The following LRP1B variants were observed in gnomAD, a reference collection of about 807,000 sequenced individuals.
The protein encoded by LRP1B is low-density lipoprotein receptor-related protein 1B.
Under a neutral mutation model 556.6 loss-of-function variants are expected in LRP1B, and 217 were observed. That is an observed-to-expected ratio of 0.39 (90% CI 0.35 to 0.44). The LOEUF is 0.44. Among genes scored for constraint, LRP1B ranks in the 20% least tolerant of loss-of-function variants. LRP1B has a pLI of 1.00. For synonymous variants in LRP1B, 2,047 were observed against 1,865.8 expected (o/e 1.10, Z -2.50); for missense variants, 5,053 against 5,620.8 (o/e 0.90, Z 3.23).
At chr2:140,534,230 G>T (rs938735184) in intron 46 of LRP1B, 90 bp from the exon 47 acceptor site, 12 of 1,190,444 alleles carry the variant, frequency 1.0e-5, no homozygotes, top group Non-Finnish European at 8.3e-6. Flanking sequence ...CATTCATAAT[G>T]ACTGGATTAT....
intron 2 of LRP1B, among the ~76,000 whole-genome samples, chr2:141,795,856 CAATATATATATATATATATATATA>C (rs1266389632): frequency 5.3e-5 from 1 of 18,988 alleles, no homozygotes; most frequent in East Asian, 1.2e-3. Context: ...AAACCAGGAG[CAATATATATATATATATATATATA>C]TATATATATA....
intron 37 of LRP1B, among the ~76,000 whole-genome samples, chr2:140,712,403 C>A (rs753465462): frequency 5.9e-5 from 9 of 151,978 alleles, no homozygotes; most frequent in Non-Finnish European, 1.2e-4. Context: ...TCTGGGATAC[C>A]TAATGTAAGA....
intron 41 of LRP1B, among the ~76,000 whole-genome samples, chr2:140,681,928 T>C (rs967810036): frequency 2.6e-5 from 4 of 152,174 alleles, no homozygotes; most frequent in African/African-American, 9.7e-5. Flanking sequence ...GTGCTATGCC[T>C]AAGAAATTTC....
At chr2:140,749,807 CA>C (rs1467383147) in intron 35 of LRP1B, among the ~76,000 whole-genome samples, 1 of 152,048 alleles carries the variant, frequency 6.6e-6, no homozygotes, top group Non-Finnish European at 1.5e-5. Flanking sequence ...TAACATAACC[CA>C]TCATTTGTTA....
At chr2:141,652,453 T>G (rs1164900453) in intron 2 of LRP1B, among the ~76,000 whole-genome samples, 1 of 152,216 alleles carries the variant, frequency 6.6e-6, no homozygotes, top group Non-Finnish European at 1.5e-5. Context: ...AGACATAGTA[T>G]GAGTAAACAT....
At chr2:141,208,387 T>C (rs1158469572) in intron 6 of LRP1B, 1 of 152,266 alleles carries the variant, frequency 6.6e-6, no homozygotes, top group African/African-American at 2.4e-5. Context: ...CCAACGACTA[T>C]CGCCATCTTT....
chr2:141,217,793 C>T (rs1270253329), intron 6 of LRP1B, among the ~76,000 whole-genome samples: 2 of 152,038 alleles, frequency 1.3e-5, no homozygotes, highest in Admixed American at 6.6e-5. Flanking sequence ...AGTAAACAGA[C>T]AACTTACAGA....
chr2:141,919,587 T>A (rs1700124725), intron 1 of LRP1B, among the ~76,000 whole-genome samples: 1 of 152,028 alleles, frequency 6.6e-6, no homozygotes, highest in Non-Finnish European at 1.5e-5. Flanking sequence ...TTAACATCAG[T>A]CATAGACAGA....
intron 84 of LRP1B, among the ~76,000 whole-genome samples, chr2:140,296,267 CAAG>C (rs1476316051): frequency 6.6e-6 from 1 of 151,976 alleles, no homozygotes; most frequent in Non-Finnish European, 1.5e-5. Context: ...GTATATGAAA[CAAG>C]AATTTTGTAT....
chr2:140,994,383 GT>G (rs1257462096), intron 15 of LRP1B, among the ~76,000 whole-genome samples: 11 of 101,358 alleles, frequency 1.1e-4, no homozygotes, highest in Middle Eastern at 4.8e-3. Context: ...AGGTTGGTAG[GT>G]AAGGATGTGT....
chr2:140,690,386 C>CT (rs5834764), intron 41 of LRP1B, among the ~76,000 whole-genome samples: 49,673 of 150,042 alleles, frequency 0.33, 9,580 homozygotes, highest in Non-Finnish European at 0.44. Context: ...CAGGTCTTTA[C>CT]TTTTTTTTTT....
At chr2:141,891,633 AT>A (rs1238970595) in intron 1 of LRP1B, among the ~76,000 whole-genome samples, 2 of 152,154 alleles carry the variant, frequency 1.3e-5, no homozygotes, top group African/African-American at 4.8e-5. Context: ...TAATGTTAGA[AT>A]GTTGTATTAT....
At chr2:141,030,469 T>G (rs1050732777) in intron 11 of LRP1B, among the ~76,000 whole-genome samples, 1 of 152,140 alleles carries the variant, frequency 6.6e-6, no homozygotes, top group Admixed American at 6.5e-5. Flanking sequence ...ACTTAATAGC[T>G]AAAATATCAA....
rs550230439 is a variant in LRP1B, at chr2:140,241,926, T to C, written c.13325-2394A>G. ...CTGAAAAACATAGACTCTGTACTTA[T>C]TAAGGGTGGAGGGGATATCTCAACA... is the stretch of plus-strand genomic sequence containing the variant. On this transcript the variant is annotated intron_variant, in intron 87 of 90. Coordinates refer to ENST00000389484, the MANE Select transcript of LRP1B (RefSeq NM_018557.3). Among the ~76,000 whole-genome samples the C allele has an allele frequency of 6.6e-5, 10 of 151,014 alleles. No individual in the cohort carries two copies. In the East Asian group the frequency reaches 1.2e-3, roughly 18 times the overall value.
At chr2:140,729,206 G>A (rs1373471065) in intron 35 of LRP1B, among the ~76,000 whole-genome samples, 1 of 151,976 alleles carries the variant, frequency 6.6e-6, no homozygotes, top group Non-Finnish European at 1.5e-5. Context: ...AAAATATTCA[G>A]ACACTGCTAT....
intron 2 of LRP1B, among the ~76,000 whole-genome samples, chr2:141,643,022 GA>G (rs949393149): frequency 1.3e-5 from 2 of 152,194 alleles, no homozygotes; most frequent in African/African-American, 4.8e-5. Context: ...AAAAAGACAT[GA>G]AAAATGTGAT....
At chr2:140,731,106 C>G (rs1238380569) in intron 35 of LRP1B, among the ~76,000 whole-genome samples, 1 of 152,216 alleles carries the variant, frequency 6.6e-6, no homozygotes, top group Non-Finnish European at 1.5e-5. Flanking sequence ...AACTATTACT[C>G]AGACATTAAG....
intron 3 of LRP1B, among the ~76,000 whole-genome samples, chr2:141,402,671 C>A (rs917033129): frequency 6.6e-6 from 1 of 152,042 alleles, no homozygotes; most frequent in East Asian, 1.9e-4. Flanking sequence ...TAGATACAAT[C>A]AAAAAACTTG....
intron 21 of LRP1B, among the ~76,000 whole-genome samples, chr2:140,913,956 G>T (rs1376369964): frequency 6.6e-6 from 1 of 152,042 alleles, no homozygotes; most frequent in East Asian, 1.9e-4. Context: ...AGGTATAAAA[G>T]CAGGAAAGAA....
Sources: allele counts gnomAD v4.1 joint callset (sites outside exome capture counted in the v4.1 genomes callset), GRCh38; gene constraint gnomAD v4.1.1; transcripts MANE v1.5; gene names NCBI Gene and HGNC (gene_info 2026-07-23, HGNC 2026-07-21).